FBXL17: variants seen among roughly 807,000 people sequenced by gnomAD.
FBXL17 encodes F-box/LRR-repeat protein 17.
Under a neutral mutation model 66.2 loss-of-function variants are expected in FBXL17, and 22 were observed. The ratio of observed to expected loss-of-function variants is 0.33; its 90% CI spans 0.24 to 0.47. The LOEUF (loss-of-function observed/expected upper bound fraction) is 0.47. Ranked by LOEUF, FBXL17 falls within the 20% of genes least tolerant of loss-of-function variation. The pLI is 1.00. For synonymous variants in FBXL17, 474 were observed against 400.5 expected (o/e 1.18, Z -2.19); for missense variants, 878 against 948.2 (o/e 0.93, Z 0.97).
intron 4 of FBXL17, among the ~76,000 whole-genome samples, chr5:108,230,240 A>G (rs969142129): frequency 6.6e-6 from 1 of 152,210 alleles, no homozygotes; most frequent in African/African-American, 2.4e-5. Context: ...AGAGGAAAAG[A>G]AGTCATTATA....
At chr5:107,972,875 C>T (rs1752424668) in intron 7 of FBXL17, among the ~76,000 whole-genome samples, 1 of 152,096 alleles carries the variant, frequency 6.6e-6, no homozygotes, top group South Asian at 2.1e-4. Context: ...TATACAATGC[C>T]AAATATAACA....
At chr5:108,374,990 A>T (rs938666930) in intron 1 of FBXL17, among the ~76,000 whole-genome samples, 3 of 152,112 alleles carry the variant, frequency 2.0e-5, no homozygotes, top group African/African-American at 7.2e-5. Context: ...GGGGGAAAAA[A>T]TACAGCTAAT....
At chr5:108,187,632 G>A (rs1004357966) in intron 5 of FBXL17, among the ~76,000 whole-genome samples, 3 of 152,166 alleles carry the variant, frequency 2.0e-5, no homozygotes, top group Non-Finnish European at 2.9e-5. Context: ...CTTTAGAGTT[G>A]GAAACAGCCC....
intron 4 of FBXL17, among the ~76,000 whole-genome samples, chr5:108,230,174 G>A (rs1358723618): frequency 1.3e-5 from 2 of 152,144 alleles, no homozygotes; most frequent in African/African-American, 4.8e-5. Context: ...ATTCCTTAAA[G>A]AAATAAAAGC....
intron 7 of FBXL17, among the ~76,000 whole-genome samples, chr5:108,002,928 AGAG>A (rs1010602433): frequency 6.6e-6 from 1 of 152,238 alleles, no homozygotes; most frequent in Non-Finnish European, 1.5e-5. Flanking sequence ...AACTGTAAAC[AGAG>A]AAGAGGATCT....
chr5:108,212,683 G>A (rs1354024515), intron 5 of FBXL17, among the ~76,000 whole-genome samples: 1 of 152,144 alleles, frequency 6.6e-6, no homozygotes, highest in Non-Finnish European at 1.5e-5. Flanking sequence ...CTTTCCTCAG[G>A]AAGCTTCGTC....
At chr5:108,356,999 G>A (rs1748042036) in intron 3 of FBXL17, among the ~76,000 whole-genome samples, 3 of 151,980 alleles carry the variant, frequency 2.0e-5, no homozygotes, top group African/African-American at 4.8e-5. Context: ...GCTTTTAAAA[G>A]TCAAAAGAGC....
At chr5:108,284,118 C>G (rs918284431) in intron 4 of FBXL17, among the ~76,000 whole-genome samples, 3 of 151,748 alleles carry the variant, frequency 2.0e-5, no homozygotes, top group African/African-American at 7.2e-5. Flanking sequence ...TCTAGGGAAA[C>G]AGTATGGAGA....
At chr5:108,342,035 CAGTATA>C (rs1746913291) in intron 4 of FBXL17, among the ~76,000 whole-genome samples, 1 of 152,132 alleles carries the variant, frequency 6.6e-6, no homozygotes, top group African/African-American at 2.4e-5. Context: ...CTCTCTTTGG[CAGTATA>C]ACTCTTGTTT....
intron 7 of FBXL17, among the ~76,000 whole-genome samples, chr5:108,008,539 CTTAT>C (rs1434712289): frequency 1.3e-5 from 2 of 152,118 alleles, no homozygotes; most frequent in African/African-American, 2.4e-5. Flanking sequence ...CAGCTTAAAT[CTTAT>C]TTATTATTGA....
At chr5:108,070,247 A>G (rs1048527701) in intron 6 of FBXL17, among the ~76,000 whole-genome samples, 2 of 152,200 alleles carry the variant, frequency 1.3e-5, no homozygotes, top group African/African-American at 4.8e-5. Context: ...TGATCAGGTT[A>G]ATGATGGTTT....
chr5:108,133,125 T>C (rs1750999811), intron 6 of FBXL17, among the ~76,000 whole-genome samples: 2 of 152,154 alleles, frequency 1.3e-5, no homozygotes, highest in Non-Finnish European at 2.9e-5. Context: ...ATACAAGCAC[T>C]ATGATGACAA....
chr5:108,005,000 A>G (rs1224833610), intron 7 of FBXL17, among the ~76,000 whole-genome samples: 3 of 152,126 alleles, frequency 2.0e-5, no homozygotes, highest in Non-Finnish European at 4.4e-5. Flanking sequence ...TTTGCCAAGA[A>G]CACTCTACGC....
chr5:108,125,147 A>T (rs1750647372), intron 6 of FBXL17, among the ~76,000 whole-genome samples: 6 of 152,036 alleles, frequency 3.9e-5, no homozygotes, highest in Admixed American at 3.9e-4. Context: ...AACCAAAGAC[A>T]TACAAATTTA....
chr5:108,307,169 A>C (rs970160531), intron 4 of FBXL17, among the ~76,000 whole-genome samples: 3 of 152,130 alleles, frequency 2.0e-5, no homozygotes, highest in Non-Finnish European at 2.9e-5. Context: ...GTTGTATTAT[A>C]TTGATATATA....
intron 7 of FBXL17, among the ~76,000 whole-genome samples, chr5:107,896,168 G>A (rs186338087): frequency 8.5e-4 from 130 of 152,244 alleles, no homozygotes; most frequent in African/African-American, 2.9e-3. Context: ...TCACTTGTAT[G>A]TTAACCAGAA....
At chr5:108,192,860 AC>A (rs1172633212) in intron 5 of FBXL17, among the ~76,000 whole-genome samples, 1 of 152,096 alleles carries the variant, frequency 6.6e-6, no homozygotes, top group East Asian at 1.9e-4. Flanking sequence ...TTAAGACCCT[AC>A]AAAAGTTAAA....
intron 5 of FBXL17, among the ~76,000 whole-genome samples, chr5:108,208,738 G>A (rs1466810709): frequency 2.0e-5 from 3 of 152,132 alleles, no homozygotes; most frequent in Non-Finnish European, 4.4e-5. Flanking sequence ...TTGCAGTCAG[G>A]TAGCATGATG....
chr5:107,917,271 C>T (rs1241776694), intron 7 of FBXL17, among the ~76,000 whole-genome samples: 1 of 152,098 alleles, frequency 6.6e-6, no homozygotes, highest in Non-Finnish European at 1.5e-5. Flanking sequence ...TTAAAATGAT[C>T]TTGTGAGGAT....
Sources: allele counts gnomAD v4.1 joint callset (sites outside exome capture counted in the v4.1 genomes callset), GRCh38; gene constraint gnomAD v4.1.1; transcripts MANE v1.5; gene names NCBI Gene and HGNC (gene_info 2026-07-23, HGNC 2026-07-21).